The following FAM174B variants were observed in gnomAD, a reference collection of about 807,000 sequenced individuals.
The protein encoded by FAM174B is family with sequence similarity 174 member B.
Under a neutral mutation model 10.9 loss-of-function variants are expected in FAM174B, and 12 were observed. The observed-to-expected ratio is 1.10, with a 90% CI of 0.71 to 1.79. The LOEUF (loss-of-function observed/expected upper bound fraction) is 1.79, where lower values mean the gene tolerates loss of function less well. Ranked by LOEUF, FAM174B falls within the 40% of genes most tolerant of loss-of-function variation. The pLI is 0.00. For missense variants in FAM174B, 266 were observed against 233.3 expected, an observed-to-expected ratio of 1.14 and a Z score of -0.91; for synonymous variants, 132 against 115.8, an observed-to-expected ratio of 1.14 and a Z score of -0.90.
At chr15:92,647,366 T>C (rs1394109980) in intron 1 of FAM174B, among the ~76,000 whole-genome samples, 1 of 152,196 alleles carries the variant, frequency 6.6e-6, no homozygotes, top group Admixed American at 6.5e-5. Flanking sequence ...TTGCTTTTAA[T>C]ACATGGCTCC....
At chr15:92,636,186 C>T (rs1455135595) in intron 1 of FAM174B, among the ~76,000 whole-genome samples, 2 of 152,188 alleles carry the variant, frequency 1.3e-5, no homozygotes, top group South Asian at 2.1e-4. Flanking sequence ...CAGTGGCTCA[C>T]GCCTGTAGTC....
chr15:92,650,682 T>C (rs1471656898), intron 1 of FAM174B, among the ~76,000 whole-genome samples: 1 of 152,240 alleles, frequency 6.6e-6, no homozygotes, highest in Non-Finnish European at 1.5e-5. Context: ...AAGGTACTGA[T>C]ACCAGCAGTC....
intron 1 of FAM174B, among the ~76,000 whole-genome samples, chr15:92,637,549 T>C (rs879479131): frequency 1.3e-5 from 2 of 152,154 alleles, no homozygotes; most frequent in Non-Finnish European, 2.9e-5. Context: ...CCTGGGGCTT[T>C]TTCCACATTT....
At chr15:92,651,459 G>A (rs1001655473) in intron 1 of FAM174B, among the ~76,000 whole-genome samples, 1 of 152,148 alleles carries the variant, frequency 6.6e-6, no homozygotes, top group Non-Finnish European at 1.5e-5. Flanking sequence ...AAAAAAATAT[G>A]ATAATCACCC....
chr15:92,649,592 T>C (rs1259299293), intron 1 of FAM174B, among the ~76,000 whole-genome samples: 1 of 152,186 alleles, frequency 6.6e-6, no homozygotes, highest in Non-Finnish European at 1.5e-5. Context: ...GCAATAGCCC[T>C]TGGAAGCATG....
chr15:92,637,505 C>A (rs1315782684), intron 1 of FAM174B, among the ~76,000 whole-genome samples: 2 of 152,218 alleles, frequency 1.3e-5, no homozygotes, highest in Admixed American at 6.5e-5. Context: ...AGGCACTGCA[C>A]GAAGGGAAAC....
intron 2 of FAM174B, among the ~76,000 whole-genome samples, chr15:92,621,895 G>T (rs1320829194): frequency 2.6e-5 from 4 of 152,176 alleles, no homozygotes; most frequent in African/African-American, 7.2e-5. Flanking sequence ...CCACCATCAG[G>T]CCTTCCACTG....
intron 1 of FAM174B, among the ~76,000 whole-genome samples, chr15:92,645,293 T>C (rs1361812784): frequency 2.0e-5 from 3 of 152,254 alleles, no homozygotes; most frequent in African/African-American, 7.2e-5. Flanking sequence ...TTAGCACTGT[T>C]GGTTGACCCC....
At chr15:92,642,222 AC>A (rs1422554102) in intron 1 of FAM174B, among the ~76,000 whole-genome samples, 37 of 152,226 alleles carry the variant, frequency 2.4e-4, no homozygotes, top group African/African-American at 8.9e-4. Flanking sequence ...TGAGATGTAA[AC>A]TAGTACAGCA....
intron 1 of FAM174B, 146 bp from the exon 2 acceptor site, chr15:92,630,491 G>A (rs934608234): frequency 1.3e-6 from 1 of 758,896 alleles, no homozygotes; most frequent in East Asian, 2.8e-5. Context: ...GGATCTGATG[G>A]AAGGCAAACC....
Position 92,649,172 on chromosome 15 carries a change from T to A in FAM174B, c.344+6144A>T, listed in dbSNP as rs2050948307. Among the ~76,000 whole-genome samples the A allele has an allele frequency of 5.3e-5, 8 of 152,210 alleles. No homozygotes were observed. The South Asian group carries it at 1.7e-3, about 31-fold the overall frequency. ...CCCATACACAAAGCCTACATGGGCA[T>A]GAAAGTCTATGGGTAATGCCATATA... On this transcript the variant is annotated intron_variant, in intron 1 of 2. Transcript: ENST00000327355.
At chr15:92,626,333 C>G (rs1472606385) in intron 2 of FAM174B, among the ~76,000 whole-genome samples, 1 of 151,994 alleles carries the variant, frequency 6.6e-6, no homozygotes, top group African/African-American at 2.4e-5. Flanking sequence ...CTCCTGACCT[C>G]GTGATCCGCC....
At chr15:92,640,268 T>C (rs12917366) in intron 1 of FAM174B, among the ~76,000 whole-genome samples, 142,604 of 152,204 alleles carry the variant, frequency 0.94, 67,282 homozygotes, top group East Asian at 0.99. Context: ...TCAAGGTAAA[T>C]AGGCGGGGAG....
rs1396236543 is a variant in FAM174B, at chr15:92,651,530, A to G, written c.344+3786T>C. Among the ~76,000 whole-genome samples, 3 of 152,256 alleles carry G rather than the reference A, an allele frequency of 2.0e-5. No homozygotes were observed. In the East Asian group the frequency reaches 5.8e-4, roughly 29 times the overall value. On this transcript the variant is annotated intron_variant, in intron 1 of 2. Transcript: ENST00000327355. ...TATATACATGTTTATAATTTATTTA[A>G]ATGAGCTAATACTATACATGTCACT...
intron 1 of FAM174B, among the ~76,000 whole-genome samples, chr15:92,631,404 AT>A (rs2050813919): frequency 2.2e-5 from 1 of 46,414 alleles, no homozygotes; most frequent in African/African-American, 1.2e-4. Flanking sequence ...ATTATATTAT[AT>A]TATATATAAT....
chr15:92,627,915 T>G (rs932373811), intron 2 of FAM174B, among the ~76,000 whole-genome samples: 2 of 152,200 alleles, frequency 1.3e-5, no homozygotes, highest in Admixed American at 6.5e-5. Context: ...ATCACTAACT[T>G]TCCTAGGTAC....
chr15:92,618,947 G>T lies in FAM174B; in HGVS notation c.*509C>A. Reference sequence around the variant, plus strand: ...CACCTTGAACTCTGACACAGGTAACGCCAAAATGAGGCCAGGACCTGACCA... The same window carrying T: ...CACCTTGAACTCTGACACAGGTAACTCCAAAATGAGGCCAGGACCTGACCA... On this transcript the variant is annotated 3_prime_UTR_variant, in exon 3 of 3. Coordinates refer to ENST00000327355, the MANE Select transcript of FAM174B (RefSeq NM_207446.3). The T allele has an allele frequency of 1.9e-6, 1 of 540,188 alleles. No individual in the cohort carries two copies. Among genetic ancestry groups the T allele is most frequent in the Non-Finnish European group, 3.3e-6 (1 of 302,804 alleles). The allele number at this position is 540,188 out of a possible 1,614,324, so 33.5% of individuals were successfully genotyped here.
Position 92,655,582 on chromosome 15 carries a change from G to A in FAM174B, c.78C>T (p.Ala26=). The part of the protein sequence containing the change: ...LALLAAPAAR[A]SRAESVSAPW... ...GCGCGGAGACGGACTCGGCTCTGCT[G>A]GCGCGGGCGGCGGGAGCGGCCAGGA... Residue 26 remains alanine (A), a synonymous_variant, in exon 1 of 3, where the codon GCC becomes GCT. Transcript: ENST00000327355. 1 of 1,313,738 alleles carries A rather than the reference G, an allele frequency of 7.6e-7. No homozygotes were observed. 81.4% of individuals were successfully genotyped at this position (1,313,738 alleles called of 1,614,324 possible). A position where few individuals can be genotyped will look rare whatever the true frequency, so the allele number is the denominator to read the frequency against.
chr15:92,634,095 G>A (rs1022975827), intron 1 of FAM174B, among the ~76,000 whole-genome samples: 3 of 152,206 alleles, frequency 2.0e-5, no homozygotes, highest in Admixed American at 2.0e-4. Flanking sequence ...AAGGGACAAG[G>A]CTGGGCTGTC....
Sources: gnomAD v4.1 joint callset for allele counts (sites outside exome capture counted in the v4.1 genomes callset) on GRCh38, gnomAD v4.1.1 for gene constraint, MANE v1.5 for transcripts, NCBI Gene and HGNC (gene_info 2026-07-23, HGNC 2026-07-21) for gene names.